The following HERC2 variants were observed in gnomAD, a reference collection of about 807,000 sequenced individuals.
HERC2 encodes E3 ubiquitin-protein ligase HERC2.
In HERC2, 102 loss-of-function variants were observed where a neutral mutation model predicts 537.7. The ratio of observed to expected loss-of-function variants is 0.19; its 90% confidence interval spans 0.16 to 0.22. The LOEUF (loss-of-function observed/expected upper bound fraction) is 0.22, where lower values mean the gene tolerates loss of function less well. HERC2 is among the 10% of genes least tolerant of loss of function. The pLI, the probability that HERC2 is intolerant of heterozygous loss-of-function variation, is 1.00. For missense variants in HERC2, 4,236 were observed against 6,198.2 expected (o/e 0.68, Z 10.63); for synonymous variants, 2,224 against 2,466.2 (o/e 0.90, Z 2.91).
chr15:28,207,449 T>C (rs1898606511), intron 44 of HERC2, among the ~76,000 whole-genome samples: 1 of 152,212 alleles, frequency 6.6e-6, no homozygotes, highest in Non-Finnish European at 1.5e-5. Context: ...ACACTCTCTT[T>C]CGTGTTCACT....
rs1891349404 is a variant in HERC2, at chr15:28,142,734, G to A, written c.11544+93C>T. On this transcript the variant is annotated intron_variant, in intron 75 of 92. Transcript: ENST00000261609. ...AGCAATACCTACAGCTGCCCTCAGA[G>A]GCCTAAAACACACACACTGCACATG... 9.2e-6 allele frequency: 13 copies of A among 1,416,090 alleles called. No homozygotes were observed. The South Asian group carries it at 1.2e-4, about 13-fold the overall frequency. 87.7% of individuals were successfully genotyped at this position (1,416,090 alleles called of 1,614,324 possible). A position where few individuals can be genotyped will look rare whatever the true frequency, so the allele number is the denominator to read the frequency against.
At chr15:28,160,691 G>A (rs561294835) in intron 69 of HERC2, among the ~76,000 whole-genome samples, 10 of 152,340 alleles carry the variant, frequency 6.6e-5, no homozygotes, top group Admixed American at 2.0e-4. Context: ...CAGGTGAGGC[G>A]ATGCCTCGCC....
chr15:28,236,495 T>C (rs897206784), intron 26 of HERC2, among the ~76,000 whole-genome samples: 13 of 152,064 alleles, frequency 8.5e-5, no homozygotes, highest in Admixed American at 4.6e-4. Context: ...TTCACCACAT[T>C]GGCCAGGCTG....
rs771451409 is a variant in HERC2, at chr15:28,246,814, C to A, written c.3319G>T (p.Ala1107Ser). Reference protein sequence around the residue: ...CTHIGDILPVAASIASTSWRH... With the variant: ...CTHIGDILPVSASIASTSWRH... ...CAGCTGGTAGAAGCAATGCTGGCGG[C>A]CACAGGCAGTATATCTCCAATGTGC... Residue 1107 changes from alanine (A) to serine (S), a missense_variant, in exon 22 of 93, where the codon GCC (alanine) becomes TCC (serine). By Grantham distance (99) the Ala-to-Ser change is moderately conservative. Transcript: ENST00000261609. 13 of 1,610,372 alleles carry A rather than the reference C, an allele frequency of 8.1e-6. No individual in the cohort carries two copies. The highest frequency in any genetic ancestry group is 1.0e-5 in the Non-Finnish European group (12 of 1,178,578).
chr15:28,139,013 C>A (rs1890925998), intron 78 of HERC2, among the ~76,000 whole-genome samples: 1 of 152,196 alleles, frequency 6.6e-6, no homozygotes, highest in African/African-American at 2.4e-5. Context: ...GTGGAAACAG[C>A]AAGAGAACTA....
intron 4 of HERC2, among the ~76,000 whole-genome samples, chr15:28,288,832 C>T (rs1422116585): frequency 7.5e-6 from 1 of 133,882 alleles, no homozygotes; most frequent in African/African-American, 2.8e-5. Flanking sequence ...TGGGCAACAA[C>T]AGCAAAACTC....
chr15:28,176,146 G>T lies in HERC2; in HGVS notation c.9686+282C>A, dbSNP rs1380888248. Among the ~76,000 whole-genome samples the T allele has an allele frequency of 6.6e-6, 1 of 152,166 alleles. No individual in the cohort carries two copies. The highest frequency in any genetic ancestry group is 1.5e-5 in the Non-Finnish European group (1 of 68,034). On this transcript the variant is annotated intron_variant, in intron 63 of 92. Coordinates refer to ENST00000261609, the MANE Select transcript of HERC2 (RefSeq NM_004667.6). The surrounding 1 kb of genome is among the most constrained non-coding windows in gnomAD (Gnocchi z 5.0). Reference sequence around the variant, plus strand: ...CTATTTTGCTCCATTTTATCCTTAGGCTTCAGCAGAAGAAACCGTTCCCAT... The same window carrying T: ...CTATTTTGCTCCATTTTATCCTTAGTCTTCAGCAGAAGAAACCGTTCCCAT...
Position 28,270,832 on chromosome 15 carries a change from G to A in HERC2, c.1120C>T (p.Leu374=). ...SGPLSPNESF[L]RYLTLPQDNE... ...TCTTGTGGAAGGGTGAGGTACCTCA[G>A]GAAACTCTCATTGGGGCTCAGAGGG... The change falls in exon 10 of 93, where the codon CTG becomes TTG. Residue 374 remains leucine, a synonymous_variant. Transcript: ENST00000261609. The A allele has an allele frequency of 6.2e-7, 1 of 1,613,870 alleles. No individual in the cohort carries two copies. The highest frequency in any genetic ancestry group is 1.3e-5 in the African/African-American group (1 of 74,996).
chr15:28,256,664 G>A (rs1321186714), intron 17 of HERC2, among the ~76,000 whole-genome samples: 3 of 152,102 alleles, frequency 2.0e-5, no homozygotes, highest in South Asian at 2.1e-4. Context: ...GTGCAATCTC[G>A]GCTCACTGCA....
In HERC2 at chr15:28,135,522, A is replaced by G; in HGVS notation, c.12186T>C (p.Ser4062=). 2 of 1,614,220 alleles carry G rather than the reference A, an allele frequency of 1.2e-6. No individual in the cohort carries two copies. Among genetic ancestry groups the G allele is most frequent in the South Asian group, 2.2e-5 (2 of 91,088 alleles). ...ACTTCCCATCTTCTGCCTCACCCCA[A>G]GAGTAAACTTCTCCTTCTGAAGACA... The part of the protein sequence containing the change: ...LALSSEGEVY[S]WGEAEDGKLG... Residue 4062 remains serine (S), a synonymous_variant, in exon 79 of 93, where the codon TCT becomes TCC. Transcript: ENST00000261609.
intron 35 of HERC2, among the ~76,000 whole-genome samples, chr15:28,225,222 C>G (rs1199672372): frequency 6.6e-6 from 1 of 150,986 alleles, no homozygotes; most frequent in Non-Finnish European, 1.5e-5. Flanking sequence ...CACTGTACTT[C>G]GGCCTGAAGG....
At position 28,254,212 on chromosome 15, in the gene HERC2, G is replaced by A; in HGVS notation, c.3050+128C>T. ...GCAAGAGAATCACTTGAACCTGGGA[G>A]GCGGAGCTTGCAGTGAGCCAAGATG... On this transcript the variant is annotated intron_variant, in intron 20 of 92. Transcript: ENST00000261609. The A allele has an allele frequency of 4.9e-6, 3 of 606,766 alleles. No individual in the cohort carries two copies. In the South Asian group the frequency reaches 6.5e-5, roughly 13 times the overall value. The allele number at this position is 606,766 out of a possible 1,614,324, so 37.6% of individuals were successfully genotyped here.
chr15:28,112,737 C>T (rs1194492408), intron 92 of HERC2, among the ~76,000 whole-genome samples: 3 of 152,112 alleles, frequency 2.0e-5, no homozygotes, highest in Non-Finnish European at 2.9e-5. Context: ...TCATTTTTCT[C>T]GGTATGTAGG....
Position 28,256,009 on chromosome 15 carries a change from G to A in HERC2, c.2747-13C>T. 3.7e-6 allele frequency: 6 copies of A among 1,605,664 alleles called. No individual in the cohort carries two copies. The highest frequency in any genetic ancestry group is 5.1e-6 in the Non-Finnish European group (6 of 1,179,862). Reference sequence around the variant, plus strand: ...TCATTGCCTGAAACTGAAATAGAAAGTGTGTGCCAATTTGAGTGAAACGCC... The same window carrying A: ...TCATTGCCTGAAACTGAAATAGAAAATGTGTGCCAATTTGAGTGAAACGCC... On this transcript the variant is annotated splice_polypyrimidine_tract_variant and intron_variant, in intron 18 of 92. Transcript: ENST00000261609.
intron 88 of HERC2, among the ~76,000 whole-genome samples, chr15:28,116,455 A>G (rs1355099808): frequency 2.0e-5 from 3 of 152,168 alleles, no homozygotes; most frequent in South Asian, 4.1e-4. Context: ...GACCTCAGGC[A>G]ATCTGCCTGC....
At position 28,113,824 on chromosome 15, in the gene HERC2, T is replaced by G. The variant is rs1887923581; in HGVS notation, c.13914-146A>C. ...GCAGCTCCAGATGGCATGAGCATGC[T>G]TAGCAGCTCGGCACTGCAGAGCTTC... On this transcript the variant is annotated intron_variant, in intron 90 of 92. Transcript: ENST00000261609. The surrounding 1 kb of genome is among the most constrained non-coding windows in gnomAD (Gnocchi z 7.0). The G allele has an allele frequency of 1.5e-6, 1 of 674,354 alleles. No homozygotes were observed. The highest frequency in any genetic ancestry group is 2.7e-5 in the East Asian group (1 of 36,720). The allele number at this position is 674,354 out of a possible 1,614,324, so 41.8% of individuals were successfully genotyped here.
intron 15 of HERC2, 125 bp from the exon 16 acceptor site, chr15:28,261,095 C>T: frequency 2.9e-6 from 2 of 680,654 alleles, no homozygotes; most frequent in East Asian, 2.8e-5. Context: ...ATCTGCTTTG[C>T]TTTAATATTA....
intron 35 of HERC2, among the ~76,000 whole-genome samples, chr15:28,227,920 G>C (rs57305391): frequency 0.075 from 11,383 of 152,074 alleles, 1,454 homozygotes; most frequent in African/African-American, 0.26. Context: ...TCCATAGACA[G>C]GGAAAGCAGA....
intron 4 of HERC2, among the ~76,000 whole-genome samples, chr15:28,291,091 A>G (rs2076297851): frequency 6.6e-6 from 1 of 152,242 alleles, no homozygotes; most frequent in Non-Finnish European, 1.5e-5. Flanking sequence ...AATACAAGGC[A>G]CATTTCAGCA....
Sources: gnomAD v4.1 joint callset for allele counts (sites outside exome capture counted in the v4.1 genomes callset) on GRCh38, gnomAD v4.1.1 for gene constraint, Gnocchi (gnomAD v3.1) non-coding constraint, MANE v1.5 for transcripts, NCBI Gene and HGNC (gene_info 2026-07-23, HGNC 2026-07-21) for gene names.